Variants in LOC400499 observed in about 807,000 individuals in gnomAD.
At chr16:11,493,328 G>T in the LOC400499 span, among the ~76,000 whole-genome samples, 1 of 152,216 alleles carries the variant, frequency 6.6e-6, no homozygotes, top group Non-Finnish European at 1.5e-5. Flanking sequence ...GCATGCCTGT[G>T]TTCCGATAAA....
the LOC400499 span, chr16:11,407,397 G>C: frequency 2.5e-6 from 1 of 397,802 alleles, no homozygotes; most frequent in African/African-American, 2.1e-5. Flanking sequence ...TCAGGGCTCT[G>C]ATGGAACATT....
the LOC400499 span, chr16:11,473,141 A>AAAT: frequency 5.4e-5 from 8 of 147,816 alleles, no homozygotes; most frequent in African/African-American, 1.2e-4. Flanking sequence ...ATAAATAAAT[A>AAAT]AAATAAAAAT....
At chr16:11,488,144 T>C in the LOC400499 span, among the ~76,000 whole-genome samples, 1 of 152,018 alleles carries the variant, frequency 6.6e-6, no homozygotes, top group Non-Finnish European at 1.5e-5. Flanking sequence ...AGTGTTTCGT[T>C]ACCCGCCTCT....
chr16:11,487,703 T>C, the LOC400499 span, among the ~76,000 whole-genome samples: 5 of 152,154 alleles, frequency 3.3e-5, no homozygotes, highest in Non-Finnish European at 7.3e-5. Flanking sequence ...TTATTTTCTG[T>C]TTAATTACAA....
chr16:11,493,440 T>C, the LOC400499 span, among the ~76,000 whole-genome samples: 1 of 152,170 alleles, frequency 6.6e-6, no homozygotes, highest in Non-Finnish European at 1.5e-5. Flanking sequence ...GGTAATCATA[T>C]GGTTGTGTTT....
At chr16:11,477,738 C>G in the LOC400499 span, 3 of 397,180 alleles carry the variant, frequency 7.6e-6, no homozygotes, top group Non-Finnish European at 1.3e-5. Flanking sequence ...CTTACCCATA[C>G]GGATGTCACC....
At chr16:11,494,747 G>A in the LOC400499 span, 2 of 399,104 alleles carry the variant, frequency 5.0e-6, no homozygotes, top group African/African-American at 2.1e-5. Context: ...GGCCCTCGGG[G>A]TCTGGAGCAG....
the LOC400499 span, among the ~76,000 whole-genome samples, chr16:11,448,443 C>G: frequency 6.6e-6 from 1 of 152,160 alleles, no homozygotes; most frequent in Non-Finnish European, 1.5e-5. Flanking sequence ...CTTCGGGAGG[C>G]TGAGATGGGA....
the LOC400499 span, among the ~76,000 whole-genome samples, chr16:11,451,322 G>T: frequency 9.8e-5 from 15 of 152,326 alleles, 1 homozygote; most frequent in African/African-American, 3.6e-4. Context: ...GCTCATGCCT[G>T]TAATCCCAGC....
chr16:11,469,408 G>C, the LOC400499 span: 4 of 398,710 alleles, frequency 1.0e-5, no homozygotes, highest in African/African-American at 6.2e-5. Flanking sequence ...GACCTCAGGA[G>C]GTCACAGACA....
At chr16:11,433,278 T>C in the LOC400499 span, among the ~76,000 whole-genome samples, 1 of 152,186 alleles carries the variant, frequency 6.6e-6, no homozygotes, top group Non-Finnish European at 1.5e-5. Flanking sequence ...GGGATAAGGA[T>C]GGGCAGTTGG....
the LOC400499 span, chr16:11,491,653 AG>A: frequency 7.8e-6 from 2 of 256,060 alleles, no homozygotes; most frequent in Non-Finnish European, 7.3e-6. Flanking sequence ...GTGCCCTCCC[AG>A]CCCCACCCCT....
At chr16:11,396,524 G>A in the LOC400499 span, 2 of 1,232,218 alleles carry the variant, frequency 1.6e-6, no homozygotes, top group Non-Finnish European at 2.0e-6. Context: ...CAGTGCCCCG[G>A]AGAAGTCAGC....
At chr16:11,508,430 T>C in the LOC400499 span, among the ~76,000 whole-genome samples, 1 of 152,226 alleles carries the variant, frequency 6.6e-6, no homozygotes, top group East Asian at 1.9e-4. Context: ...GATTAGACTG[T>C]GAGTCAAAAG....
At chr16:11,384,331 G>T in the LOC400499 span, 1 of 1,228,152 alleles carries the variant, frequency 8.1e-7, no homozygotes, top group Non-Finnish European at 1.0e-6. Flanking sequence ...TATGCCTGTG[G>T]GGAAGAGGGA....
chr16:11,396,481 G>C, the LOC400499 span: 1 of 1,232,098 alleles, frequency 8.1e-7, no homozygotes, highest in Non-Finnish European at 1.0e-6. Flanking sequence ...ATCTTTCCCA[G>C]GGACTGTCAG....
the LOC400499 span, chr16:11,493,791 C>T: frequency 2.6e-6 from 1 of 384,272 alleles, no homozygotes; most frequent in East Asian, 3.7e-5. Context: ...TCAGCACAAG[C>T]TGGAGCTAAA....
chr16:11,422,928 A>G, the LOC400499 span, among the ~76,000 whole-genome samples: 1 of 152,042 alleles, frequency 6.6e-6, no homozygotes, highest in Non-Finnish European at 1.5e-5. Context: ...ATTGATGTTT[A>G]CCTGTGTTTG....
chr16:11,479,627 T>A, the LOC400499 span, among the ~76,000 whole-genome samples: 4 of 151,942 alleles, frequency 2.6e-5, no homozygotes, highest in South Asian at 4.2e-4. Context: ...ACCCTGTCTC[T>A]GAAAAAAGCA....
Sources: gnomAD v4.1 joint callset for allele counts (sites outside exome capture counted in the v4.1 genomes callset) on GRCh38, gnomAD v4.1.1 for gene constraint, MANE v1.5 for transcripts.